Variants in NUP210L observed in about 807,000 individuals in gnomAD.
The protein encoded by NUP210L is nucleoporin 210 like, also known as nuclear pore membrane glycoprotein 210-like.
Under a neutral mutation model 208.5 loss-of-function variants are expected in NUP210L, and 74 were observed. That is an observed-to-expected ratio of 0.35 (90% confidence interval 0.29 to 0.43). The LOEUF (loss-of-function observed/expected upper bound fraction) is 0.43, where lower values mean the gene tolerates loss of function less well. Ranked by LOEUF, NUP210L falls within the 20% of genes least tolerant of loss-of-function variation. The pLI is 1.00. For synonymous variants in NUP210L, 780 were observed against 816.9 expected, an observed-to-expected ratio of 0.95 and a Z score of 0.77; for missense variants, 1,843 against 2,289.4, an observed-to-expected ratio of 0.81 and a Z score of 3.98.
chr1:153,992,934 A>T, exon 40 of NUP210L: 1 of 1,610,862 alleles, frequency 6.2e-7, no homozygotes, highest in Non-Finnish European at 8.5e-7. Context: ...AGTTAAAAAA[A>T]CCTAGAAGAA....
chr1:154,015,067 T>C (rs1464083847), intron 33 of NUP210L, among the ~76,000 whole-genome samples: 1 of 152,116 alleles, frequency 6.6e-6, no homozygotes, highest in Non-Finnish European at 1.5e-5. Context: ...ACTTTTATTT[T>C]AAGTTCCAGG....
At chr1:154,074,534 G>T (rs1654937675) in intron 16 of NUP210L, among the ~76,000 whole-genome samples, 1 of 148,314 alleles carries the variant, frequency 6.7e-6, no homozygotes, top group Non-Finnish European at 1.5e-5. Context: ...TGTCACCAAG[G>T]ATGGAGTGCA....
intron 10 of NUP210L, among the ~76,000 whole-genome samples, chr1:154,124,152 G>A (rs1443144127): frequency 1.2e-4 from 17 of 144,114 alleles, no homozygotes; most frequent in African/African-American, 3.4e-4. Flanking sequence ...GCGCCACTGC[G>A]CTCCAGCCTG....
exon 21 of NUP210L, chr1:154,058,579 C>T: frequency 1.2e-6 from 2 of 1,613,198 alleles, no homozygotes; most frequent in Non-Finnish European, 1.7e-6. Flanking sequence ...TCAATCAGAT[C>T]AAGCTCCAGC....
At chr1:154,044,407 C>CAAAAAAA (rs577871170) in intron 27 of NUP210L, among the ~76,000 whole-genome samples, 1 of 131,978 alleles carries the variant, frequency 7.6e-6, no homozygotes, top group Admixed American at 7.6e-5. Flanking sequence ...AACTCTGTCT[C>CAAAAAAA]AAAAAAAAAA....
chr1:154,101,413 G>A (rs765363198), intron 13 of NUP210L, among the ~76,000 whole-genome samples: 3 of 152,074 alleles, frequency 2.0e-5, no homozygotes, highest in Non-Finnish European at 4.4e-5. Flanking sequence ...GGAGGCGGAG[G>A]TTGCAGTGAG....
chr1:154,046,606 A>G (rs1653198028), intron 25 of NUP210L, among the ~76,000 whole-genome samples: 1 of 152,252 alleles, frequency 6.6e-6, no homozygotes, highest in Non-Finnish European at 1.5e-5. Flanking sequence ...ATTCAGCCAT[A>G]AAAAGAATGA....
chr1:154,132,163 C>A (rs2148126900), intron 7 of NUP210L, among the ~76,000 whole-genome samples: 1 of 152,336 alleles, frequency 6.6e-6, no homozygotes, highest in Non-Finnish European at 1.5e-5. Context: ...CTCACACGTT[C>A]TCTTTTCCCA....
chr1:154,100,059 A>G lies in NUP210L; in HGVS notation c.1904T>C (p.Val635Ala), dbSNP rs1323800247. 2 of 1,614,038 alleles carry G rather than the reference A, an allele frequency of 1.2e-6. No individual in the cohort carries two copies. The highest frequency in any genetic ancestry group is 3.3e-5 in the Admixed American group (2 of 60,010). ...CTCCAAGTACTTGTCACATTCATTC[A>G]CACTTACTGTTACCAGAGTATGGCC... Residue 635 changes from valine (V) to alanine (A), a missense_variant, in exon 14 of 40, where the codon GTG becomes GCG. This residue lies in a region of NUP210L where 408 missense variants were observed against 600.8 expected (regional missense o/e 0.68). Transcript: ENST00000368559.
chr1:154,032,140 TTGTGAATAGTGC>T (rs1342087383), intron 27 of NUP210L, among the ~76,000 whole-genome samples: 5 of 152,194 alleles, frequency 3.3e-5, no homozygotes, highest in Admixed American at 1.3e-4. Context: ...ATCTTGGCCA[TTGTGAATAGTGC>T]TGCAATAAAT....
intron 13 of NUP210L, among the ~76,000 whole-genome samples, chr1:154,102,330 T>C (rs1052369479): frequency 1.3e-5 from 2 of 152,236 alleles, no homozygotes; most frequent in Non-Finnish European, 2.9e-5. Flanking sequence ...ATGAGAAGTC[T>C]CAAAATTTTT....
intron 33 of NUP210L, among the ~76,000 whole-genome samples, chr1:154,013,693 A>C (rs1385647398): frequency 6.6e-6 from 1 of 152,194 alleles, no homozygotes. Flanking sequence ...ATCTTTTCTG[A>C]AACTTCAAAG....
chr1:154,090,735 C>T (rs1019779043), intron 15 of NUP210L, among the ~76,000 whole-genome samples: 2 of 151,868 alleles, frequency 1.3e-5, no homozygotes, highest in South Asian at 2.1e-4. Flanking sequence ...CACTTGAACC[C>T]GGGAGGCGGA....
intron 27 of NUP210L, among the ~76,000 whole-genome samples, chr1:154,033,481 C>T (rs928964703): frequency 6.6e-6 from 1 of 152,126 alleles, no homozygotes; most frequent in Non-Finnish European, 1.5e-5. Flanking sequence ...CCAGTTTTCC[C>T]AGCACCACTG....
chr1:154,127,997 G>A (rs1365645903), intron 8 of NUP210L, among the ~76,000 whole-genome samples: 1 of 152,026 alleles, frequency 6.6e-6, no homozygotes, highest in Admixed American at 6.6e-5. Flanking sequence ...CTGAGTAGCT[G>A]GGACTACAGG....
chr1:154,055,123 TTTTCTTTCTTTCTTTCTTTCTTTCTTTC>T (rs533438783), intron 23 of NUP210L, among the ~76,000 whole-genome samples: 43 of 117,238 alleles, frequency 3.7e-4, no homozygotes, highest in Non-Finnish European at 5.0e-4. Flanking sequence ...TCTTTCTTTC[TTTTCTTTCTTTCTTTCTTTCTTTCTTTC>T]TTTCTTTCTT....
In NUP210L at chr1:154,029,699, A is replaced by G. The variant is rs889369077; in HGVS notation, c.3855+197T>C. Among the ~76,000 whole-genome samples the G allele has an allele frequency of 1.1e-4, 17 of 152,328 alleles. No homozygotes were observed. The East Asian group carries it at 3.3e-3, about 29-fold the overall frequency. On this transcript the variant is annotated intron_variant, in intron 28 of 39. Transcript: ENST00000368559. Reference sequence around the variant, plus strand: ...GAGCGAAACTCCGTCTCAAAACAAAACAAAACAAAAACAAAAAACAAAACT... The same window carrying G: ...GAGCGAAACTCCGTCTCAAAACAAAGCAAAACAAAAACAAAAAACAAAACT...
chr1:154,096,434 C>A (rs1232035797), intron 14 of NUP210L, among the ~76,000 whole-genome samples: 1 of 152,084 alleles, frequency 6.6e-6, no homozygotes, highest in Non-Finnish European at 1.5e-5. Flanking sequence ...GAGAGACAGA[C>A]TTAGAGTAGG....
chr1:154,012,291 A>G (rs755638897), exon 34 of NUP210L: 1 of 1,613,720 alleles, frequency 6.2e-7, no homozygotes. Flanking sequence ...GAGCTTGAAT[A>G]CAGTTGAATT....
Sources: allele counts gnomAD v4.1 joint callset (sites outside exome capture counted in the v4.1 genomes callset), GRCh38; gene constraint gnomAD v4.1.1; regional missense constraint gnomAD v4.1.1; transcripts MANE v1.5; gene names NCBI Gene and HGNC (gene_info 2026-07-23, HGNC 2026-07-21).